Variants in RAB27A observed in about 807,000 individuals in gnomAD.
RAB27A encodes the protein RAB27A, member RAS oncogene family.
A neutral mutation model predicts 20.8 loss-of-function variants in RAB27A; 17 were observed. The observed-to-expected ratio is 0.82, with a 90% confidence interval of 0.56 to 1.23. RAB27A has a LOEUF of 1.23. RAB27A is among the 50% of genes most tolerant of loss of function. The pLI is 0.00. For missense variants in RAB27A, 277 were observed against 266.7 expected (o/e 1.04, Z -0.27); for synonymous variants, 85 against 92.8 (o/e 0.92, Z 0.48).
chr15:55,280,970 G>A (rs575282612), intron 1 of RAB27A, among the ~76,000 whole-genome samples: 20 of 152,092 alleles, frequency 1.3e-4, no homozygotes, highest in East Asian at 1.9e-4. Flanking sequence ...ATAAACATAC[G>A]TGTGCATGTG....
chr15:55,245,381 C>G (rs541046724), intron 2 of RAB27A, among the ~76,000 whole-genome samples: 1 of 152,026 alleles, frequency 6.6e-6, no homozygotes, highest in Non-Finnish European at 1.5e-5. Flanking sequence ...AAATCTCAGG[C>G]GGAGAGAAGT....
At chr15:55,299,883 C>T (rs533810643) in intron 2 of RAB27A, among the ~76,000 whole-genome samples, 9 of 150,350 alleles carry the variant, frequency 6.0e-5, no homozygotes, top group South Asian at 2.1e-4. Flanking sequence ...TGCAATGGCG[C>T]GATCTCAGCT....
chr15:55,220,937 T>G (rs1054748481), intron 6 of RAB27A, among the ~76,000 whole-genome samples: 1 of 152,234 alleles, frequency 6.6e-6, no homozygotes, highest in African/African-American at 2.4e-5. Context: ...TTTCCTTTCT[T>G]CAAGGGTTTC....
intron 2 of RAB27A, among the ~76,000 whole-genome samples, chr15:55,257,047 T>C (rs1282081535): frequency 6.6e-6 from 1 of 151,834 alleles, no homozygotes; most frequent in East Asian, 1.9e-4. Flanking sequence ...CCACATCAGG[T>C]GGAAAAGGAC....
rs762968655 is a variant in RAB27A, at chr15:55,230,483, A to C, written c.157T>G (p.Tyr53Asp). Residue 53 changes from tyrosine (Y) to aspartate (D), a missense_variant, in exon 4 of 7, where the codon TAC becomes GAC. Tyr to Asp is a radical substitution (Grantham distance 160). Coordinates refer to ENST00000336787, the MANE Select transcript of RAB27A (RefSeq NM_183235.3). Reference protein sequence around the residue: ...GIDFREKRVVYRASGPDGATG... With the variant: ...GIDFREKRVVDRASGPDGATG... ...GCTCCATCCGGCCCACTGGCTCTGTACACCTAAAACAGCAAAGTGAAAGAG... is the reference window on the plus strand; with the variant it reads ...GCTCCATCCGGCCCACTGGCTCTGTCCACCTAAAACAGCAAAGTGAAAGAG... 1 of 1,612,120 alleles carries C rather than the reference A, an allele frequency of 6.2e-7. No homozygotes were observed. Among genetic ancestry groups the C allele is most frequent in the Non-Finnish European group, 8.5e-7 (1 of 1,178,362 alleles).
intron 6 of RAB27A, among the ~76,000 whole-genome samples, chr15:55,209,308 C>T (rs2140904170): frequency 6.6e-6 from 1 of 152,262 alleles, no homozygotes; most frequent in Non-Finnish European, 1.5e-5. Context: ...CCTACCCTTC[C>T]TGGCCTCTGG....
intron 1 of RAB27A, among the ~76,000 whole-genome samples, chr15:55,315,830 G>C (rs2055040817): frequency 6.6e-6 from 1 of 152,176 alleles, no homozygotes; most frequent in South Asian, 2.1e-4. Context: ...TTCAACCATT[G>C]TGAAGACAGT....
chr15:55,265,423 A>G (rs965891840), intron 2 of RAB27A, among the ~76,000 whole-genome samples: 4 of 152,190 alleles, frequency 2.6e-5, no homozygotes, highest in Non-Finnish European at 4.4e-5. Flanking sequence ...ATGTGAGTGT[A>G]CAGGCACACA....
At chr15:55,235,945 T>C (rs573657827) in intron 2 of RAB27A, among the ~76,000 whole-genome samples, 7 of 152,270 alleles carry the variant, frequency 4.6e-5, no homozygotes, top group Non-Finnish European at 8.8e-5. Context: ...CTCACTCATA[T>C]GTAGGAGTGA....
chr15:55,220,419 G>A (rs962889793), intron 6 of RAB27A, among the ~76,000 whole-genome samples: 36 of 152,000 alleles, frequency 2.4e-4, no homozygotes, highest in Non-Finnish European at 3.8e-4. Flanking sequence ...ACAGGTGCCC[G>A]CCACCACACC....
intron 2 of RAB27A, chr15:55,259,891 A>G (rs1476042052): frequency 6.6e-6 from 1 of 152,136 alleles, no homozygotes; most frequent in Non-Finnish European, 1.5e-5. Context: ...CCTAAAATAT[A>G]ACTTCATACC....
chr15:55,307,428 G>A (rs1438059431), intron 2 of RAB27A, among the ~76,000 whole-genome samples: 1 of 151,928 alleles, frequency 6.6e-6, no homozygotes, highest in East Asian at 1.9e-4. Context: ...TTGTTTAGAT[G>A]TCGTTTGAGT....
chr15:55,231,699 A>G (rs753712274), intron 3 of RAB27A, among the ~76,000 whole-genome samples: 30 of 152,116 alleles, frequency 2.0e-4, no homozygotes, highest in Non-Finnish European at 3.8e-4. Flanking sequence ...GGAGCTCCCT[A>G]AAAGTCCCAT....
chr15:55,303,537 AG>A, intron 2 of RAB27A, among the ~76,000 whole-genome samples: 3 of 55,208 alleles, frequency 5.4e-5, no homozygotes, highest in Admixed American at 1.5e-4. Context: ...CTGCCCGGCC[AG>A]CCGCCCCGTC....
chr15:55,285,756 C>T (rs1308822254), intron 1 of RAB27A, among the ~76,000 whole-genome samples: 1 of 152,188 alleles, frequency 6.6e-6, no homozygotes, highest in Non-Finnish European at 1.5e-5. Flanking sequence ...TGGTGAAACC[C>T]CGTTTCTATT....
intron 1 of RAB27A, among the ~76,000 whole-genome samples, chr15:55,271,087 T>C (rs2044057307): frequency 1.3e-5 from 2 of 152,360 alleles, no homozygotes; most frequent in South Asian, 4.1e-4. Flanking sequence ...TTTGGTTTTC[T>C]GGTCCCCACG....
At chr15:55,246,552 G>A (rs976462218) in intron 2 of RAB27A, among the ~76,000 whole-genome samples, 1 of 151,508 alleles carries the variant, frequency 6.6e-6, no homozygotes, top group Non-Finnish European at 1.5e-5. Context: ...CAAAACACTG[G>A]GTCTTATAGT....
intron 1 of RAB27A, among the ~76,000 whole-genome samples, chr15:55,288,216 C>G (rs1331407602): frequency 6.6e-6 from 1 of 152,062 alleles, no homozygotes; most frequent in Non-Finnish European, 1.5e-5. Context: ...ACATCAAAAG[C>G]ACAAACAACA....
intron 1 of RAB27A, among the ~76,000 whole-genome samples, chr15:55,283,057 G>C (rs1413875809): frequency 6.6e-6 from 1 of 152,146 alleles, no homozygotes. Context: ...GTGTAACTTG[G>C]GAAACTGTAA....
Sources: allele counts gnomAD v4.1 joint callset (sites outside exome capture counted in the v4.1 genomes callset), GRCh38; gene constraint gnomAD v4.1.1; transcripts MANE v1.5; gene names NCBI Gene and HGNC (gene_info 2026-07-23, HGNC 2026-07-21).